The following KALRN variants were observed in gnomAD, a reference collection of about 807,000 sequenced individuals.
KALRN encodes kalirin.
Under a neutral mutation model 353.7 loss-of-function variants are expected in KALRN, and 70 were observed. The observed-to-expected ratio is 0.20, with a 90% CI of 0.16 to 0.24. The LOEUF (loss-of-function observed/expected upper bound fraction) is 0.24, where lower values mean the gene tolerates loss of function less well. Among genes scored for constraint, KALRN ranks in the 10% least tolerant of loss-of-function variants. The pLI is 1.00. For synonymous variants in KALRN, 1,391 were observed against 1,434.8 expected, an observed-to-expected ratio of 0.97 and a Z score of 0.69; for missense variants, 2,791 against 3,756.7, an observed-to-expected ratio of 0.74 and a Z score of 6.72.
At position 124,181,076 on chromosome 3, in the gene KALRN, C is replaced by CAAAA. The variant is rs60579271; in HGVS notation, c.74-46892_74-46889dup. 7.6e-3 allele frequency among the ~76,000 whole-genome samples: 418 copies of CAAAA among 55,268 alleles called. 11 individuals carry two copies. Among genetic ancestry groups the CAAAA allele is most frequent in the African/African-American group, 0.011 (150 of 13,394 alleles). 36.3% of individuals were successfully genotyped at this position (55,268 alleles called of 152,430 possible). A position where few individuals can be genotyped will look rare whatever the true frequency, so the allele number is the denominator to read the frequency against. ...CAAAACCCCATCTCTACTAAAAATACAAAAAAAAAAAAAAAAAAAAAAAAA... is the reference window on the plus strand; with the variant it reads ...CAAAACCCCATCTCTACTAAAAATACAAAAAAAAAAAAAAAAAAAAAAAAAAAAA... On this transcript the variant is annotated intron_variant, in intron 1 of 59. Transcript: ENST00000682506.
intron 1 of KALRN, among the ~76,000 whole-genome samples, chr3:124,157,376 A>T (rs1042572790): frequency 6.6e-6 from 1 of 152,236 alleles, no homozygotes; most frequent in African/African-American, 2.4e-5. Flanking sequence ...ACCCAAAGAC[A>T]GCTAGGAGTT....
chr3:124,665,432 TTTTTTTATTTTATTAG>T (rs1407579763), intron 45 of KALRN, among the ~76,000 whole-genome samples: 2 of 152,186 alleles, frequency 1.3e-5, no homozygotes, highest in African/African-American at 4.8e-5. Context: ...ATCATTTTTA[TTTTTTTATTTTATTAG>T]TTTTTTAAAA....
intron 14 of KALRN, among the ~76,000 whole-genome samples, chr3:124,415,725 T>C (rs149627922): frequency 2.3e-3 from 357 of 152,278 alleles, no homozygotes; most frequent in African/African-American, 8.4e-3. Flanking sequence ...CAATCTGTGG[T>C]TCAATTAGCC....
chr3:124,057,221 ACCATACCG>A (rs1461379206), intron 1 of KALRN, among the ~76,000 whole-genome samples: 3 of 152,136 alleles, frequency 2.0e-5, no homozygotes, highest in African/African-American at 4.8e-5. Flanking sequence ...AGTGCCTCCC[ACCATACCG>A]CCCCCACTTT....
chr3:124,436,196 G>A (rs941307448), intron 17 of KALRN, among the ~76,000 whole-genome samples: 1 of 152,206 alleles, frequency 6.6e-6, no homozygotes, highest in African/African-American at 2.4e-5. Flanking sequence ...ATACACAAAT[G>A]TTAATTTGAG....
At chr3:124,036,029 C>T (rs560714537) in intron 1 of KALRN, among the ~76,000 whole-genome samples, 3 of 152,278 alleles carry the variant, frequency 2.0e-5, no homozygotes, top group African/African-American at 7.2e-5. Flanking sequence ...TAGGCTCTTG[C>T]TGGGGATTCT....
Position 124,217,017 on chromosome 3 carries a change from T to C in KALRN, c.74-10973T>C, listed in dbSNP as rs963184798. Among the ~76,000 whole-genome samples the C allele has an allele frequency of 2.6e-5, 4 of 152,350 alleles. No homozygotes were observed. In the South Asian group the frequency reaches 8.3e-4, roughly 32 times the overall value. On this transcript the variant is annotated intron_variant, in intron 1 of 59. Coordinates refer to ENST00000682506, the MANE Select transcript of KALRN (RefSeq NM_001388419.1). ...CATAATCCATTACCTCTTCTCTTCTTACTGCTTTTTCACATTTTAGAGACT... is the reference window on the plus strand; with the variant it reads ...CATAATCCATTACCTCTTCTCTTCTCACTGCTTTTTCACATTTTAGAGACT...
chr3:124,206,383 C>T (rs768113601), intron 1 of KALRN, among the ~76,000 whole-genome samples: 12 of 152,186 alleles, frequency 7.9e-5, no homozygotes, highest in South Asian at 2.1e-4. Context: ...TACTTCTGCT[C>T]ACCTTCCATT....
intron 2 of KALRN, 136 bp downstream of exon 2, chr3:124,228,200 C>T: frequency 1.3e-6 from 1 of 767,620 alleles, no homozygotes; most frequent in East Asian, 2.5e-5. Flanking sequence ...TGCTTTCTTT[C>T]TCCTGAGGCA....
chr3:124,627,005 G>T (rs955985776), intron 34 of KALRN, among the ~76,000 whole-genome samples: 3 of 152,176 alleles, frequency 2.0e-5, no homozygotes, highest in East Asian at 1.9e-4. Flanking sequence ...TATTATTGTT[G>T]TAGTTATTCC....
chr3:124,184,162 C>A (rs1469190233), intron 1 of KALRN, among the ~76,000 whole-genome samples: 1 of 152,290 alleles, frequency 6.6e-6, no homozygotes, highest in East Asian at 1.9e-4. Flanking sequence ...CACTTTGGCT[C>A]TAGAGTCACA....
intron 5 of KALRN, among the ~76,000 whole-genome samples, chr3:124,270,538 G>A (rs1320448361): frequency 6.7e-6 from 1 of 149,764 alleles, no homozygotes; most frequent in Non-Finnish European, 1.5e-5. Context: ...TTTTTTTAAT[G>A]CATATCACTT....
At chr3:124,085,967 G>A (rs867709638) in intron 1 of KALRN, among the ~76,000 whole-genome samples, 7 of 152,062 alleles carry the variant, frequency 4.6e-5, no homozygotes, top group Non-Finnish European at 7.4e-5. Context: ...CAATTATTTC[G>A]CAAATCATAT....
chr3:124,357,196 G>A (rs146936919), intron 10 of KALRN, among the ~76,000 whole-genome samples: 10 of 152,232 alleles, frequency 6.6e-5, no homozygotes, highest in African/African-American at 1.9e-4. Flanking sequence ...TGCCTCTTTC[G>A]TGTGTTTCTT....
At chr3:124,660,788 A>G (rs2084764309) in intron 43 of KALRN, 135 bp from the exon 44 acceptor site, 3 of 663,586 alleles carry the variant, frequency 4.5e-6, no homozygotes, top group Admixed American at 2.3e-5. Flanking sequence ...TTTCTCAGCT[A>G]CTCTACACCA....
At chr3:124,502,027 C>T (rs1053186043) in intron 33 of KALRN, among the ~76,000 whole-genome samples, 4 of 152,298 alleles carry the variant, frequency 2.6e-5, no homozygotes, top group East Asian at 3.9e-4. Flanking sequence ...AGATGTAAGA[C>T]ATTATTTTCC....
At chr3:124,237,298 G>C (rs1318457348) in intron 3 of KALRN, among the ~76,000 whole-genome samples, 1 of 152,042 alleles carries the variant, frequency 6.6e-6, no homozygotes, top group East Asian at 1.9e-4. Flanking sequence ...GACAGGCTCT[G>C]GTTGTTGGAG....
intron 5 of KALRN, among the ~76,000 whole-genome samples, chr3:124,286,082 CCTTTCTTTCTTTCTTT>C (rs55864207): frequency 2.7e-4 from 28 of 102,254 alleles, no homozygotes; most frequent in South Asian, 1.6e-3. Context: ...TTCTTTCCTT[CCTTTCTTTCTTTCTTT>C]CTTTCTTTCT....
intron 33 of KALRN, among the ~76,000 whole-genome samples, chr3:124,544,614 C>A (rs1402334386): frequency 6.7e-6 from 1 of 149,088 alleles, no homozygotes; most frequent in East Asian, 2.0e-4. Context: ...ACAGATATAT[C>A]TATGTATATC....
Sources: gnomAD v4.1 joint callset for allele counts (sites outside exome capture counted in the v4.1 genomes callset) on GRCh38, gnomAD v4.1.1 for gene constraint, MANE v1.5 for transcripts, NCBI Gene and HGNC (gene_info 2026-07-23, HGNC 2026-07-21) for gene names.